LTF: variants seen among roughly 807,000 people sequenced by gnomAD.
LTF encodes epididymis luminal protein 110.
LTF carries 91 observed loss-of-function variants against 87.2 expected under a neutral mutation model. The observed-to-expected ratio is 1.04, with a 90% confidence interval of 0.88 to 1.24. LTF has a LOEUF of 1.24. Ranked by LOEUF, LTF falls within the 50% of genes most tolerant of loss-of-function variation. LTF has a pLI of 0.00. For missense variants in LTF, 901 were observed against 904.3 expected, an observed-to-expected ratio of 1.00 and a Z score of 0.05; for synonymous variants, 378 against 356.1, an observed-to-expected ratio of 1.06 and a Z score of -0.69.
At chr3:46,442,486 T>C (rs1235331392) in intron 13 of LTF, among the ~76,000 whole-genome samples, 1 of 151,738 alleles carries the variant, frequency 6.6e-6, no homozygotes, top group Non-Finnish European at 1.5e-5. Context: ...ACTAATACCT[T>C]GCTGCAGGTC....
rs531735619 is a variant in LTF at position 46,445,580 on chromosome 3, A to G, written c.1358-144T>C. On this transcript the variant is annotated intron_variant, in intron 11 of 16. Transcript: ENST00000231751. The stretch of plus-strand genomic sequence containing the variant: ...ATTCCCTCAAAGAACTGGCCTTTTT[A>G]GGTAGACCGAGAAAGCATAAGCTGC... The G allele has an allele frequency of 5.8e-5, 36 of 626,066 alleles. No homozygotes were observed. In the African/African-American group the frequency reaches 6.1e-4, roughly 11 times the overall value. 38.8% of individuals were successfully genotyped at this position (626,066 alleles called of 1,614,324 possible).
chr3:46,482,360 C>G, intron 1 of LTF, among the ~76,000 whole-genome samples: 1 of 151,558 alleles, frequency 6.6e-6, no homozygotes, highest in East Asian at 1.9e-4. Flanking sequence ...GTTCCAGCTA[C>G]CAGGGAGGCT....
Position 46,437,995 on chromosome 3 carries a change from A to G in LTF, c.2043T>C (p.Tyr681=), listed in dbSNP as rs1229588647. The G allele has an allele frequency of 6.2e-7, 1 of 1,613,938 alleles. No homozygotes were observed. Residue 681 remains tyrosine, a synonymous_variant, in exon 16 of 17, where the codon TAT becomes TAC. Transcript: ENST00000231751. ...RLHGKTTYEK[Y]LGPQYVAGIT... ...TGCCTGCGACATACTGTGGTCCCAA[A>G]TATTTTTCATATGTTGTTTTGCCAT...
At chr3:46,436,353 T>G in intron 16 of LTF, 124 bp from the exon 17 acceptor site, 1 of 854,302 alleles carries the variant, frequency 1.2e-6, no homozygotes, top group Non-Finnish European at 2.0e-6. Context: ...ACTGAGTCAG[T>G]GCTTGCCACA....
rs1343039488 is a variant in LTF at position 46,450,026 on chromosome 3, T to A, written c.885A>T (p.Glu295Asp). 1 of 1,579,544 alleles carries A rather than the reference T, an allele frequency of 6.3e-7. No individual in the cohort carries two copies. Among genetic ancestry groups the A allele is most frequent in the Non-Finnish European group, 8.6e-7 (1 of 1,166,154 alleles). ...AIWNLLRQAQ[E>D]KFGKDKSPKF... ...TCGGTGACTTGTCCTTTCCAAACTT[T>A]TCCTAATTAAGAAAAAATAGAATTA... Residue 295 changes from glutamate to aspartate, a missense_variant and splice_region_variant, in exon 8 of 17, where the codon GAA becomes GAT. Coordinates refer to ENST00000231751, the MANE Select transcript of LTF (RefSeq NM_002343.6).
rs1702731811 is a variant in LTF at position 46,449,014 on chromosome 3, T to A, written c.1061A>T (p.Glu354Val). ...CGCACGCCGGGCAGCCACTTCCTCCTCACCTGCCAGAGGGAAGACCGCAGG... is the reference window on the plus strand; with the variant it reads ...CGCACGCCGGGCAGCCACTTCCTCCACACCTGCCAGAGGGAAGACCGCAGG... ...FTAIQNLRKS[E>V]EEVAARRARV... Residue 354 changes from glutamate (E) to valine (V), a missense_variant, in exon 9 of 17, where the codon GAG becomes GTG. Coordinates refer to ENST00000231751, the MANE Select transcript of LTF (RefSeq NM_002343.6). 1 of 1,606,046 alleles carries A rather than the reference T, an allele frequency of 6.2e-7. No individual in the cohort carries two copies. The highest frequency in any genetic ancestry group is 1.3e-5 in the African/African-American group (1 of 74,410).
chr3:46,452,204 T>C (rs1446684842), intron 6 of LTF, among the ~76,000 whole-genome samples: 1 of 152,202 alleles, frequency 6.6e-6, no homozygotes, highest in Non-Finnish European at 1.5e-5. Context: ...AAAAATCAGA[T>C]GTTATCCTCA....
At chr3:46,477,112 T>C (rs908664007) in intron 1 of LTF, among the ~76,000 whole-genome samples, 1 of 152,252 alleles carries the variant, frequency 6.6e-6, no homozygotes, top group Non-Finnish European at 1.5e-5. Flanking sequence ...CAATTCATAT[T>C]CCCACCAATG....
chr3:46,448,480 T>C (rs1232014480), intron 9 of LTF, among the ~76,000 whole-genome samples: 1 of 152,204 alleles, frequency 6.6e-6, no homozygotes, highest in Non-Finnish European at 1.5e-5. Context: ...CACTTCATTA[T>C]TGTTGCATGC....
At chr3:46,472,517 TGTGTGTGTGTGAGA>T (rs923845828) in intron 1 of LTF, among the ~76,000 whole-genome samples, 5 of 150,190 alleles carry the variant, frequency 3.3e-5, no homozygotes, top group African/African-American at 1.2e-4. Flanking sequence ...TGTGTGTGTG[TGTGTGTGTGTGAGA>T]GAGAGAGAGA....
At chr3:46,476,077 T>C (rs1461548562) in intron 1 of LTF, among the ~76,000 whole-genome samples, 1 of 152,228 alleles carries the variant, frequency 6.6e-6, no homozygotes, top group African/African-American at 2.4e-5. Context: ...TTTTTGTATT[T>C]ATCCTTCTGT....
chr3:46,455,925 G>A lies in LTF; in HGVS notation c.370C>T (p.Gln124Ter). 1 of 1,612,466 alleles carries A rather than the reference G, an allele frequency of 6.2e-7. No individual in the cohort carries two copies. The highest frequency in any genetic ancestry group is 8.5e-7 in the Non-Finnish European group (1 of 1,179,262). The change falls in exon 4 of 17, where the codon CAG becomes TAG. Residue 124 changes from glutamine to a stop codon, truncating the protein, a stop_gained. Transcript: ENST00000231751. LOFTEE classifies it high-confidence loss of function. The stretch of plus-strand genomic sequence containing the variant: ...TTCAGACCTTGCAGTTCGTTCAGCT[G>A]AAAGCTGCCGCCCTTCTTCACCACA... ...VAVVKKGGSFQLNELQGLKSC... is the reference protein window; with the variant it reads ...VAVVKKGGSF
At chr3:46,469,179 G>T (rs555954668), upstream of LTF, among the ~76,000 whole-genome samples, 1 of 152,214 alleles carries the variant, frequency 6.6e-6, no homozygotes, top group Admixed American at 6.5e-5. Context: ...TCTAAAAACA[G>T]GTACTCTGAG....
At chr3:46,453,850 G>A (rs1253134336) in intron 6 of LTF, among the ~76,000 whole-genome samples, 3 of 152,172 alleles carry the variant, frequency 2.0e-5, no homozygotes, top group Admixed American at 6.5e-5. Flanking sequence ...AGTAAAAGGT[G>A]GATGTATTCC....
At chr3:46,480,809 C>G (rs1164567180) in intron 1 of LTF, among the ~76,000 whole-genome samples, 1 of 152,144 alleles carries the variant, frequency 6.6e-6, no homozygotes, top group African/African-American at 2.4e-5. Flanking sequence ...AAATACAAGA[C>G]GTGAGAATTA....
chr3:46,436,694 G>A (rs1702394235), intron 16 of LTF, among the ~76,000 whole-genome samples: 1 of 152,220 alleles, frequency 6.6e-6, no homozygotes, highest in Admixed American at 6.5e-5. Context: ...CAAGAAGCAT[G>A]TGGTCTATGC....
chr3:46,442,324 T>C lies in LTF; in HGVS notation c.1656-841A>G, dbSNP rs545834243. On this transcript the variant is annotated intron_variant, in intron 13 of 16. Transcript: ENST00000231751. ...AAATTAAGAACCAGCATTATAAGGA[T>C]GATAGAAATAAAGGGGTATGACACT... Among the ~76,000 whole-genome samples, 6 of 152,178 alleles carry C rather than the reference T, an allele frequency of 3.9e-5. No homozygotes were observed. In the South Asian group the frequency reaches 1.2e-3, roughly 32 times the overall value.
intron 1 of LTF, among the ~76,000 whole-genome samples, chr3:46,482,699 G>GAAA (rs1703461996): frequency 1.9e-5 from 2 of 107,992 alleles, no homozygotes; most frequent in Non-Finnish European, 1.9e-5. Context: ...AAGGAAGGAA[G>GAAA]GAAGGAAAGA....
chr3:46,470,381 GCTGCCCT>G (rs1703267389), exon 2 of LTF: 1 of 152,382 alleles, frequency 6.6e-6, no homozygotes, highest in South Asian at 2.1e-4. Flanking sequence ...GGCCCATGGT[GCTGCCCT>G]CCTACAAGGT....
Sources: allele counts gnomAD v4.1 joint callset (sites outside exome capture counted in the v4.1 genomes callset), GRCh38; gene constraint gnomAD v4.1.1; transcripts MANE v1.5; gene names NCBI Gene and HGNC (gene_info 2026-07-23, HGNC 2026-07-21).